Variants in RGS7 observed in about 807,000 individuals in gnomAD.
RGS7 encodes regulator of G-protein signaling 7.
A neutral mutation model predicts 81.1 loss-of-function variants in RGS7; 27 were observed. The ratio of observed to expected loss-of-function variants is 0.33; its 90% CI spans 0.25 to 0.46. The LOEUF (loss-of-function observed/expected upper bound fraction) is 0.46, where lower values mean the gene tolerates loss of function less well. Ranked by LOEUF, RGS7 falls within the 20% of genes least tolerant of loss-of-function variation. The pLI, the probability that RGS7 is intolerant of heterozygous loss-of-function variation, is 1.00. For missense variants in RGS7, 396 were observed against 607.4 expected (o/e 0.65, Z 3.66); for synonymous variants, 208 against 207.7 (o/e 1.00, Z -0.01).
At position 240,961,718 on chromosome 1, in the gene RGS7, G is replaced by A. The variant is rs1482914527; in HGVS notation, c.226+21361C>T. ...AACTGGTACCTTTCTGAGGACAACA[G>A]TTTATAGGGGGAAGAACAGTTTCAA... On this transcript the variant is annotated intron_variant, in intron 4 of 18. Coordinates refer to ENST00000440928, the MANE Select transcript of RGS7 (RefSeq NM_001364886.1). Among the ~76,000 whole-genome samples the A allele has an allele frequency of 2.6e-5, 4 of 152,182 alleles. No individual in the cohort carries two copies. In the East Asian group the frequency reaches 7.7e-4, roughly 29 times the overall value.
At chr1:240,794,708 T>C (rs1290371740) in intron 18 of RGS7, among the ~76,000 whole-genome samples, 1 of 152,174 alleles carries the variant, frequency 6.6e-6, no homozygotes, top group Non-Finnish European at 1.5e-5. Context: ...TTTGACACTG[T>C]ACTGCACTGC....
intron 2 of RGS7, among the ~76,000 whole-genome samples, chr1:241,320,921 G>C (rs575916374): frequency 3.4e-4 from 52 of 152,268 alleles, no homozygotes; most frequent in African/African-American, 1.2e-3. Flanking sequence ...GGCTGCACTG[G>C]ACAATTGCCT....
intron 9 of RGS7, among the ~76,000 whole-genome samples, chr1:240,867,600 A>C (rs1663551144): frequency 6.6e-6 from 1 of 152,242 alleles, no homozygotes; most frequent in African/African-American, 2.4e-5. Context: ...AAGTTATTAG[A>C]GATCCAATGT....
intron 2 of RGS7, among the ~76,000 whole-genome samples, chr1:241,352,810 G>T (rs552803931): frequency 2.4e-4 from 37 of 152,344 alleles, no homozygotes; most frequent in African/African-American, 8.9e-4. Flanking sequence ...TAGTGATAAC[G>T]AGAGAAACAT....
At chr1:241,343,947 G>A (rs10802951) in intron 2 of RGS7, among the ~76,000 whole-genome samples, 21,107 of 152,202 alleles carry the variant, frequency 0.14, 2,100 homozygotes, top group South Asian at 0.26. Context: ...AGCACGTTGA[G>A]TAAGAGGTGT....
chr1:241,285,610 T>C (rs188795087), intron 2 of RGS7, among the ~76,000 whole-genome samples: 40 of 152,318 alleles, frequency 2.6e-4, no homozygotes, highest in African/African-American at 9.1e-4. Context: ...AGAAGTTAAG[T>C]AGCTTGTCTA....
At chr1:241,000,231 C>T (rs116763395) in intron 3 of RGS7, among the ~76,000 whole-genome samples, 1,772 of 152,236 alleles carry the variant, frequency 0.012, 20 homozygotes, top group Non-Finnish European at 0.019. Context: ...AGGTCTCATT[C>T]CTGACAAGAA....
At chr1:241,028,359 C>T (rs1487811226) in intron 3 of RGS7, among the ~76,000 whole-genome samples, 1 of 152,170 alleles carries the variant, frequency 6.6e-6, no homozygotes, top group Non-Finnish European at 1.5e-5. Context: ...GTTTGGAACT[C>T]ATATTCAGTT....
intron 3 of RGS7, among the ~76,000 whole-genome samples, chr1:241,044,979 A>G (rs1216017799): frequency 2.0e-5 from 3 of 152,136 alleles, no homozygotes; most frequent in Admixed American, 6.5e-5. Flanking sequence ...TCACTGACTC[A>G]GCTCTGTAGT....
chr1:241,303,376 C>A (rs1182570782), intron 2 of RGS7, among the ~76,000 whole-genome samples: 1 of 152,160 alleles, frequency 6.6e-6, no homozygotes, highest in Non-Finnish European at 1.5e-5. Flanking sequence ...TGTAAGTTTC[C>A]TGAGGCCTCC....
At chr1:240,890,121 T>C (rs573572352) in intron 6 of RGS7, among the ~76,000 whole-genome samples, 1 of 152,312 alleles carries the variant, frequency 6.6e-6, no homozygotes, top group East Asian at 1.9e-4. Flanking sequence ...CTCCGTTTCC[T>C]GGTGGACATA....
intron 9 of RGS7, among the ~76,000 whole-genome samples, chr1:240,835,887 C>T (rs902746563): frequency 7.2e-5 from 11 of 152,204 alleles, no homozygotes; most frequent in East Asian, 1.9e-4. Flanking sequence ...AAAGGCGAAA[C>T]GATGGAGACA....
intron 9 of RGS7, among the ~76,000 whole-genome samples, chr1:240,852,424 G>A (rs945890628): frequency 2.6e-5 from 4 of 151,836 alleles, no homozygotes; most frequent in Admixed American, 1.3e-4. Context: ...ACCAAAAAAT[G>A]TGTGTGATTT....
chr1:240,787,642 C>A (rs1275206853), intron 18 of RGS7, among the ~76,000 whole-genome samples: 1 of 152,022 alleles, frequency 6.6e-6, no homozygotes, highest in Middle Eastern at 3.4e-3. Flanking sequence ...CATATGATAA[C>A]CTTGGTTTAA....
chr1:240,944,371 T>C (rs1434882212), intron 4 of RGS7, among the ~76,000 whole-genome samples: 1 of 140,960 alleles, frequency 7.1e-6, no homozygotes, highest in African/African-American at 2.7e-5. Flanking sequence ...GAGATAAAAA[T>C]CATGCTTACT....
At chr1:241,056,344 A>G (rs2061477223) in intron 3 of RGS7, among the ~76,000 whole-genome samples, 1 of 152,150 alleles carries the variant, frequency 6.6e-6, no homozygotes, top group Admixed American at 6.5e-5. Context: ...CACCACAGCT[A>G]TCTTATCACC....
chr1:241,088,091 T>C (rs2502420), intron 3 of RGS7, among the ~76,000 whole-genome samples: 35,334 of 148,396 alleles, frequency 0.24, 5,786 homozygotes, highest in African/African-American at 0.46. Flanking sequence ...CATATATATA[T>C]AGAAACTGGC....
chr1:240,842,743 C>A (rs1658306813), intron 9 of RGS7, among the ~76,000 whole-genome samples: 1 of 151,954 alleles, frequency 6.6e-6, no homozygotes, highest in South Asian at 2.1e-4. Flanking sequence ...CATTTCCTTT[C>A]TTTCTTTCTT....
At chr1:240,918,794 C>T (rs1341122839) in intron 6 of RGS7, among the ~76,000 whole-genome samples, 2 of 151,540 alleles carry the variant, frequency 1.3e-5, no homozygotes, top group African/African-American at 2.4e-5. Context: ...AAACCAAAAT[C>T]TGGGTGCTTA....
Sources: allele counts gnomAD v4.1 joint callset (sites outside exome capture counted in the v4.1 genomes callset), GRCh38; gene constraint gnomAD v4.1.1; transcripts MANE v1.5; gene names NCBI Gene and HGNC (gene_info 2026-07-23, HGNC 2026-07-21).